The following WDPCP variants were observed in gnomAD, a reference collection of about 807,000 sequenced individuals.
WDPCP encodes WD repeat-containing and planar cell polarity effector protein fritz homolog.
WDPCP carries 71 observed loss-of-function variants against 93.1 expected under a neutral mutation model. That is an observed-to-expected ratio of 0.76 (90% CI 0.63 to 0.93). WDPCP has a LOEUF of 0.93. WDPCP is among the 40% of genes least tolerant of loss of function. The pLI, the probability that WDPCP is intolerant of heterozygous loss-of-function variation, is 0.00. For missense variants in WDPCP, 844 were observed against 887.4 expected, an observed-to-expected ratio of 0.95 and a Z score of 0.62; for synonymous variants, 315 against 315.0, an observed-to-expected ratio of 1.00 and a Z score of 0.00.
At chr2:63,701,421 C>T (rs1393851378) in intron 2 of WDPCP, among the ~76,000 whole-genome samples, 1 of 152,112 alleles carries the variant, frequency 6.6e-6, no homozygotes, top group Non-Finnish European at 1.5e-5. Context: ...ATTAGTACAA[C>T]CACTATGGAA....
chr2:63,804,801 G>A lies in WDPCP; in HGVS notation n.308+8821C>T, dbSNP rs569960193. Among the ~76,000 whole-genome samples the A allele has an allele frequency of 2.4e-3, 366 of 151,800 alleles. 1 individual carries two copies. Among genetic ancestry groups the A allele is most frequent in the Non-Finnish European group, 3.9e-3 (266 of 67,944 alleles). On this transcript the variant is annotated intron_variant and non_coding_transcript_variant, in intron 2 of 4. Coordinates refer to the WDPCP transcript ENST00000467687. ...TACCAGCACTTTGGGAGGCCGAGGC[G>A]AGCAGATCACAAGGTTAAGAGCTCG...
chr2:63,713,955 G>A (rs1450824437), intron 2 of WDPCP, among the ~76,000 whole-genome samples: 4 of 151,988 alleles, frequency 2.6e-5, no homozygotes, highest in Non-Finnish European at 4.4e-5. Context: ...GGTTATTGTC[G>A]TTGTTGTTGT....
intron 13 of WDPCP, among the ~76,000 whole-genome samples, chr2:63,295,880 C>CAAAAAAAAAAAAAAAAA (rs59418675): frequency 1.7e-5 from 2 of 115,254 alleles, no homozygotes; most frequent in African/African-American, 3.4e-5. Context: ...GAAACTATTC[C>CAAAAAAAAAAAAAAAAA]AAAAAAAAAA....
chr2:63,650,105 A>G (rs1483556047), intron 3 of WDPCP, among the ~76,000 whole-genome samples: 1 of 152,232 alleles, frequency 6.6e-6, no homozygotes, highest in Non-Finnish European at 1.5e-5. Context: ...AGATAATGGA[A>G]TAACCAGCTT....
At chr2:63,319,645 AT>A (rs1327713211) in intron 12 of WDPCP, among the ~76,000 whole-genome samples, 3 of 151,992 alleles carry the variant, frequency 2.0e-5, no homozygotes, top group East Asian at 3.9e-4. Flanking sequence ...CGCCTGGCTA[AT>A]TTTTTGTATT....
chr2:63,352,673 G>A (rs1481498243), intron 12 of WDPCP, among the ~76,000 whole-genome samples: 8 of 152,166 alleles, frequency 5.3e-5, no homozygotes, highest in Admixed American at 6.5e-5. Flanking sequence ...GGAGAAGAAC[G>A]TGGAGCCAGT....
intron 1 of WDPCP, among the ~76,000 whole-genome samples, chr2:63,531,515 T>A (rs189090016): frequency 4.7e-4 from 72 of 152,236 alleles, no homozygotes; most frequent in African/African-American, 1.7e-3. Flanking sequence ...GGCAGCAACA[T>A]TTACTATTCT....
chr2:63,192,238 G>C (rs1675105998), intron 14 of WDPCP, among the ~76,000 whole-genome samples: 1 of 152,086 alleles, frequency 6.6e-6, no homozygotes, highest in African/African-American at 2.4e-5. Context: ...AACTATCTGT[G>C]ATCTTAGACA....
intron 3 of WDPCP, chr2:63,597,705 A>G: frequency 1.3e-6 from 1 of 784,830 alleles, no homozygotes; most frequent in Non-Finnish European, 1.8e-6. Flanking sequence ...ATACGGCTCT[A>G]GAGTTTTGCT....
chr2:63,669,723 C>A (rs1193062343), intron 2 of WDPCP, among the ~76,000 whole-genome samples: 1 of 152,194 alleles, frequency 6.6e-6, no homozygotes, highest in East Asian at 1.9e-4. Flanking sequence ...TCTCTTGTTA[C>A]ATGCATTTGC....
intron 2 of WDPCP, among the ~76,000 whole-genome samples, chr2:63,687,200 A>C (rs1317790629): frequency 6.6e-6 from 1 of 152,216 alleles, no homozygotes; most frequent in African/African-American, 2.4e-5. Flanking sequence ...GCTTGACGTA[A>C]ATATAAGACC....
At chr2:63,463,547 AAAG>A (rs1466435322) in intron 6 of WDPCP, among the ~76,000 whole-genome samples, 2 of 152,186 alleles carry the variant, frequency 1.3e-5, no homozygotes, top group Non-Finnish European at 2.9e-5. Context: ...CCATTTTGAA[AAAG>A]AAGAACAAAG....
Position 63,343,289 on chromosome 2 carries a change from A to AT in WDPCP, c.1749-29979dup, listed in dbSNP as rs202066228. Among the ~76,000 whole-genome samples the AT allele has an allele frequency of 1.3e-3, 188 of 146,132 alleles. 1 individual carries two copies. The highest frequency in any genetic ancestry group is 2.1e-3 in the African/African-American group (82 of 39,800). ...TCCCAAAGTGCTGGGATTACAGGTG[A>AT]TTTTTTTTTTTTCTTTAAACAGTTT... On this transcript the variant is annotated intron_variant, in intron 12 of 17. Transcript: ENST00000272321.
intron 2 of WDPCP, among the ~76,000 whole-genome samples, chr2:63,658,152 T>C (rs1210854387): frequency 6.6e-6 from 1 of 152,198 alleles, no homozygotes; most frequent in Admixed American, 6.5e-5. Context: ...TGCCGTAATC[T>C]TGCTTCACAT....
chr2:63,228,995 G>A (rs1036166618), intron 14 of WDPCP: 3 of 152,142 alleles, frequency 2.0e-5, no homozygotes, highest in African/African-American at 7.2e-5. Flanking sequence ...CCAGATCCCT[G>A]AGGAATCGCC....
chr2:63,246,370 T>C (rs571503785), intron 14 of WDPCP, among the ~76,000 whole-genome samples: 60 of 152,286 alleles, frequency 3.9e-4, no homozygotes, highest in African/African-American at 1.2e-3. Flanking sequence ...GATTTTGTTA[T>C]TCCTTGATAA....
At chr2:63,157,559 AT>A (rs1259157582) in intron 15 of WDPCP, among the ~76,000 whole-genome samples, 1 of 152,132 alleles carries the variant, frequency 6.6e-6, no homozygotes, top group Non-Finnish European at 1.5e-5. Context: ...TACAAATTTA[AT>A]TCCTTTAATA....
intron 1 of WDPCP, among the ~76,000 whole-genome samples, chr2:63,579,881 G>C (rs879604620): frequency 6.6e-6 from 1 of 152,188 alleles, no homozygotes; most frequent in Non-Finnish European, 1.5e-5. Context: ...GGGACTTTAA[G>C]AGGTGATTAG....
chr2:63,575,766 C>T (rs1708074403), intron 1 of WDPCP, among the ~76,000 whole-genome samples: 1 of 151,444 alleles, frequency 6.6e-6, no homozygotes, highest in Non-Finnish European at 1.5e-5. Context: ...TATACAAACA[C>T]ATGTGTGCGT....
Sources: allele counts gnomAD v4.1 joint callset (sites outside exome capture counted in the v4.1 genomes callset), GRCh38; gene constraint gnomAD v4.1.1; transcripts MANE v1.5; gene names NCBI Gene and HGNC (gene_info 2026-07-23, HGNC 2026-07-21).